PLEKHG4B: variants seen among roughly 807,000 people sequenced by gnomAD.
PLEKHG4B encodes pleckstrin homology and RhoGEF domain containing G4B.
In PLEKHG4B, 111 loss-of-function variants were observed where a neutral mutation model predicts 121.3. That is an observed-to-expected ratio of 0.92 (90% CI 0.78 to 1.07). The LOEUF (loss-of-function observed/expected upper bound fraction) is 1.07, where lower values mean the gene tolerates loss of function less well. Among genes scored for constraint, PLEKHG4B ranks in the 50% least tolerant of loss-of-function variants. The pLI is 0.00. For missense variants in PLEKHG4B, 1,831 were observed against 1,757.8 expected (o/e 1.04, Z -0.74); for synonymous variants, 738 against 725.0 (o/e 1.02, Z -0.29).
chr5:138,753 CG>C (rs1735058171), intron 2 of PLEKHG4B, among the ~76,000 whole-genome samples: 1 of 152,216 alleles, frequency 6.6e-6, no homozygotes, highest in African/African-American at 2.4e-5. Flanking sequence ...GAAACCCAGG[CG>C]GGGCTCTAGG....
intron 7 of PLEKHG4B, among the ~76,000 whole-genome samples, chr5:152,403 T>G (rs7723281): frequency 0.19 from 28,371 of 151,058 alleles, 3,707 homozygotes; most frequent in African/African-American, 0.37. Flanking sequence ...AAGAGACAGG[T>G]TCTTGCTATG....
At chr5:101,585 A>C (rs926402098) in intron 1 of PLEKHG4B, among the ~76,000 whole-genome samples, 23 of 132,112 alleles carry the variant, frequency 1.7e-4, no homozygotes, top group Non-Finnish European at 2.3e-4. Context: ...GACTGTTGTG[A>C]GGTAAATCCA....
chr5:183,621 C>T lies in PLEKHG4B; in HGVS notation c.*1298C>T, dbSNP rs1302251076. The T allele has an allele frequency of 6.6e-6, 1 of 152,258 alleles. No homozygotes were observed. The highest frequency in any genetic ancestry group is 1.5e-5 in the Non-Finnish European group (1 of 68,108). The allele number at this position is 152,258 out of a possible 1,614,324, so 9.4% of individuals were successfully genotyped here. On this transcript the variant is annotated 3_prime_UTR_variant, in exon 20 of 20. Coordinates refer to ENST00000637938, the MANE Select transcript of PLEKHG4B (RefSeq NM_052909.5). ...GCATGGTGTTGGCCGCCTGTAGTCC[C>T]AGCTACTTGGGAGGCTGAGGCAGGA...
Position 139,033 on chromosome 5 carries a change from G to A in PLEKHG4B, c.244-450G>A, listed in dbSNP as rs1025844422. Among the ~76,000 whole-genome samples, 6 of 152,206 alleles carry A rather than the reference G, an allele frequency of 3.9e-5. No individual in the cohort carries two copies. The highest frequency in any genetic ancestry group is 7.2e-5 in the African/African-American group (3 of 41,456). On this transcript the variant is annotated intron_variant, in intron 2 of 19. Coordinates refer to ENST00000637938, the MANE Select transcript of PLEKHG4B (RefSeq NM_052909.5). The surrounding 1 kb of genome is among the most constrained non-coding windows in gnomAD (Gnocchi z 5.0). The stretch of plus-strand genomic sequence containing the variant: ...GGCCGAGGTAGCGCCTGCAGCAGCC[G>A]GGAGCCACAGGGAGCACCGGGAGTG...
Position 171,034 on chromosome 5 carries a change from C to A in PLEKHG4B, c.3730-9C>A. On this transcript the variant is annotated splice_polypyrimidine_tract_variant and intron_variant, in intron 14 of 19. Transcript: ENST00000637938. ...TCCCACAGCCAAGCAGTCGCCTCTG[C>A]TTTTCCAGGAAGAGCAGTTTGGGAT... 1.2e-6 allele frequency: 2 copies of A among 1,607,120 alleles called. No individual in the cohort carries two copies. The highest frequency in any genetic ancestry group is 1.7e-6 in the Non-Finnish European group (2 of 1,176,862).
At chr5:170,764 C>A (rs1292334276) in intron 14 of PLEKHG4B, among the ~76,000 whole-genome samples, 1 of 152,154 alleles carries the variant, frequency 6.6e-6, no homozygotes, top group Admixed American at 6.5e-5. Flanking sequence ...CATCCTCTTC[C>A]CCCCTCAACC....
At position 157,006 on chromosome 5, in the gene PLEKHG4B, C is replaced by A; in HGVS notation, c.2487+95C>A. On this transcript the variant is annotated intron_variant, in intron 11 of 19. Transcript: ENST00000637938. The surrounding 1 kb of genome is among the most constrained non-coding windows in gnomAD (Gnocchi z 4.6). ...TCACCTTCACACTGTGTCTTTAGGGCCTTGATCTGATTTCCATTTGGAATG... is the reference window on the plus strand; with the variant it reads ...TCACCTTCACACTGTGTCTTTAGGGACTTGATCTGATTTCCATTTGGAATG... 6.8e-7 allele frequency: 1 copy of A among 1,466,738 alleles called. No homozygotes were observed. Among genetic ancestry groups the A allele is most frequent in the Non-Finnish European group, 9.4e-7 (1 of 1,066,978 alleles). The allele number at this position is 1,466,738 out of a possible 1,614,324, so 90.9% of individuals were successfully genotyped here.
chr5:123,119 A>T (rs1734518815), intron 2 of PLEKHG4B, among the ~76,000 whole-genome samples: 1 of 152,234 alleles, frequency 6.6e-6, no homozygotes, highest in Non-Finnish European at 1.5e-5. Flanking sequence ...TTTGAAGGTC[A>T]CATTGAACCA....
In PLEKHG4B at chr5:152,359, C is replaced by T. The variant is rs180852427; in HGVS notation, c.1992+760C>T. ...CTGAGTAACTGGGACTGAAGGTGTG[C>T]ACCCCCATGCCAAGCTACTTTTTTT... On this transcript the variant is annotated intron_variant, in intron 7 of 19. Transcript: ENST00000637938. Among the ~76,000 whole-genome samples, 4 of 151,172 alleles carry T rather than the reference C, an allele frequency of 2.6e-5. No individual in the cohort carries two copies. The East Asian group carries it at 5.8e-4, about 22-fold the overall frequency.
At chr5:114,691 A>T (rs1471497519) in intron 2 of PLEKHG4B, among the ~76,000 whole-genome samples, 1 of 152,162 alleles carries the variant, frequency 6.6e-6, no homozygotes, top group Non-Finnish European at 1.5e-5. Context: ...TCCTGACCTC[A>T]GGTGATCCAC....
At position 165,809 on chromosome 5, in the gene PLEKHG4B, T is replaced by C. The variant is rs184148245; in HGVS notation, c.3476+2261T>C. ...GGCGGAGCTCACACTAATGCTCTGA[T>C]GGGACGGGGCTCACACTAATGCTCT... is the stretch of plus-strand genomic sequence containing the variant. On this transcript the variant is annotated intron_variant, in intron 13 of 19. Coordinates refer to ENST00000637938, the MANE Select transcript of PLEKHG4B (RefSeq NM_052909.5). 5.8e-3 allele frequency among the ~76,000 whole-genome samples: 56 copies of C among 9,706 alleles called. 1 individual carries two copies. The highest frequency in any genetic ancestry group is 0.012 in the African/African-American group (24 of 1,956). 6.4% of individuals were successfully genotyped at this position (9,706 alleles called of 152,430 possible).
chr5:146,051 C>CTT (rs1735398180), intron 6 of PLEKHG4B, among the ~76,000 whole-genome samples: 1 of 151,544 alleles, frequency 6.6e-6, no homozygotes, highest in Non-Finnish European at 1.5e-5. Context: ...GTCCTCCCTC[C>CTT]TCTCCCCCTC....
Position 163,283 on chromosome 5 carries a change from C to T in PLEKHG4B, c.3211C>T (p.Pro1071Ser), listed in dbSNP as rs766013263. The T allele has an allele frequency of 3.1e-6, 5 of 1,613,282 alleles. No homozygotes were observed. In the South Asian group the frequency reaches 5.5e-5, roughly 18 times the overall value. Reference sequence around the variant, plus strand: ...GCCCACCCAGACCCTGGCCAGCCGCCCCAGGAAACATCCCCAGAAGAAAAT... The same window carrying T: ...GCCCACCCAGACCCTGGCCAGCCGCTCCAGGAAACATCCCCAGAAGAAAAT... ...SEPTQTLASR[P>S]RKHPQKKMIK... Residue 1071 changes from proline (P) to serine (S), a missense_variant, in exon 13 of 20, where the codon CCC becomes TCC. Coordinates refer to ENST00000637938, the MANE Select transcript of PLEKHG4B (RefSeq NM_052909.5).
intron 12 of PLEKHG4B, 97 bp downstream of exon 12, chr5:162,041 C>G (rs1045407804): frequency 2.1e-6 from 3 of 1,432,184 alleles, no homozygotes; most frequent in Non-Finnish European, 2.8e-6. Flanking sequence ...GTGGGCCAGG[C>G]TGTGGGACAG....
chr5:163,556 G>C lies in PLEKHG4B; in HGVS notation c.3476+8G>C, dbSNP rs773155940. 3.1e-5 allele frequency: 48 copies of C among 1,568,148 alleles called. No individual in the cohort carries two copies. Among genetic ancestry groups the C allele is most frequent in the Non-Finnish European group, 4.0e-5 (46 of 1,157,450 alleles). ...GAGGCAGCAGGTGGGCAGGTGAGGT[G>C]GACGTCCCCCTCCTCTCGTCCTAGC... On this transcript the variant is annotated splice_region_variant and intron_variant, in intron 13 of 19. Coordinates refer to ENST00000637938, the MANE Select transcript of PLEKHG4B (RefSeq NM_052909.5).
intron 1 of PLEKHG4B, among the ~76,000 whole-genome samples, chr5:93,461 G>A (rs1733530955): frequency 6.6e-6 from 1 of 152,070 alleles, no homozygotes; most frequent in South Asian, 2.1e-4. Flanking sequence ...AACCCACTGG[G>A]AAGCAGTGTT....
chr5:174,100 T>A lies in PLEKHG4B; in HGVS notation c.4402+2T>A, dbSNP rs1438689071. 1 of 1,351,102 alleles carries A rather than the reference T, an allele frequency of 7.4e-7. No individual in the cohort carries two copies. Among genetic ancestry groups the A allele is most frequent in the African/African-American group, 1.9e-5 (1 of 53,494 alleles). 83.7% of individuals were successfully genotyped at this position (1,351,102 alleles called of 1,614,324 possible). A position where few individuals can be genotyped will look rare whatever the true frequency, so the allele number is the denominator to read the frequency against. ...GGCGGCAGGCACTAAAGAGCAGAGGTGGGAAGATGGGGGCCGCAGGGCCTG... is the reference window on the plus strand; with the variant it reads ...GGCGGCAGGCACTAAAGAGCAGAGGAGGGAAGATGGGGGCCGCAGGGCCTG... On this transcript the variant is annotated splice_donor_variant, in intron 18 of 19. Coordinates refer to ENST00000637938, the MANE Select transcript of PLEKHG4B (RefSeq NM_052909.5). LOFTEE classifies it high-confidence loss of function.
At chr5:179,494 C>T (rs183402533) in intron 18 of PLEKHG4B, 57 of 152,784 alleles carry the variant, frequency 3.7e-4, no homozygotes, top group African/African-American at 1.4e-3. Context: ...TCCTGTCCCT[C>T]ATTGTTGAGG....
Position 156,685 on chromosome 5 carries a change from A to G in PLEKHG4B, c.2349-88A>G. On this transcript the variant is annotated intron_variant, in intron 10 of 19. Transcript: ENST00000637938. The surrounding 1 kb of genome is among the most constrained non-coding windows in gnomAD (Gnocchi z 4.4). Reference sequence around the variant, plus strand: ...TGCCTTGTGGCATGAGGGAATGGAAAGAGCAGGGTTTTTATATGGGGTTGT... The same window carrying G: ...TGCCTTGTGGCATGAGGGAATGGAAGGAGCAGGGTTTTTATATGGGGTTGT... 2.1e-5 allele frequency: 31 copies of G among 1,459,026 alleles called. No individual in the cohort carries two copies. Among genetic ancestry groups the G allele is most frequent in the Non-Finnish European group, 2.8e-5 (31 of 1,094,882 alleles). The allele number at this position is 1,459,026 out of a possible 1,614,324, so 90.4% of individuals were successfully genotyped here. A position where few individuals can be genotyped will look rare whatever the true frequency, so the allele number is the denominator to read the frequency against.
Sources: allele counts gnomAD v4.1 joint callset (sites outside exome capture counted in the v4.1 genomes callset), GRCh38; gene constraint gnomAD v4.1.1; non-coding constraint Gnocchi (gnomAD v3.1); transcripts MANE v1.5; gene names NCBI Gene and HGNC (gene_info 2026-07-23, HGNC 2026-07-21).